The following BBS9 variants were observed in gnomAD, a reference collection of about 807,000 sequenced individuals.
BBS9 encodes protein PTHB1.
BBS9 carries 89 observed loss-of-function variants against 117.7 expected under a neutral mutation model. The observed-to-expected ratio is 0.76, with a 90% CI of 0.64 to 0.90. BBS9 has a LOEUF of 0.90. BBS9 is among the 40% of genes least tolerant of loss of function. The probability of loss-of-function intolerance (pLI) is 0.00; values close to 1 mark genes in which losing one functional copy is unlikely to be tolerated. For synonymous variants in BBS9, 379 were observed against 370.9 expected (o/e 1.02, Z -0.25); for missense variants, 982 against 1,042.2 (o/e 0.94, Z 0.80).
chr7:33,441,046 G>A (rs565820337), intron 19 of BBS9, among the ~76,000 whole-genome samples: 3 of 152,186 alleles, frequency 2.0e-5, no homozygotes, highest in South Asian at 4.1e-4. Flanking sequence ...TGCATTTTCC[G>A]AACACTTCAA....
At chr7:33,439,589 C>T (rs371489331) in intron 19 of BBS9, among the ~76,000 whole-genome samples, 11 of 141,094 alleles carry the variant, frequency 7.8e-5, no homozygotes, top group Admixed American at 4.4e-4. Context: ...AGTGCAGTGG[C>T]GCAGTCTTGG....
rs1846072708 is a variant in BBS9 at position 33,505,792 on chromosome 7, A to G, written c.2298+147A>G. On this transcript the variant is annotated intron_variant, in intron 20 of 22. Coordinates refer to ENST00000242067, the MANE Select transcript of BBS9 (RefSeq NM_198428.3). ...ATGCTGCTTTCCTTGTCTTTAAACC[A>G]TAATAAAAATGTCAAACAAAGGCCT... is the stretch of plus-strand genomic sequence containing the variant. The G allele has an allele frequency of 3.5e-6, 3 of 866,100 alleles. No individual in the cohort carries two copies. In the South Asian group the frequency reaches 4.9e-5, roughly 14 times the overall value. The allele number at this position is 866,100 out of a possible 1,614,324, so 53.7% of individuals were successfully genotyped here. A position where few individuals can be genotyped will look rare whatever the true frequency, so the allele number is the denominator to read the frequency against.
chr7:33,584,058 C>G (rs1050219321), intron 21 of BBS9, among the ~76,000 whole-genome samples: 1 of 151,900 alleles, frequency 6.6e-6, no homozygotes, highest in African/African-American at 2.4e-5. Context: ...ACATTCCTGG[C>G]AGAGGATATA....
chr7:33,424,300 A>T (rs1833312070), intron 19 of BBS9, among the ~76,000 whole-genome samples: 1 of 152,178 alleles, frequency 6.6e-6, no homozygotes, highest in East Asian at 1.9e-4. Context: ...TTTTCCAAAG[A>T]ACAGTTTTCT....
chr7:33,299,259 G>A (rs1331283701), intron 9 of BBS9, among the ~76,000 whole-genome samples: 1 of 151,998 alleles, frequency 6.6e-6, no homozygotes, highest in Non-Finnish European at 1.5e-5. Flanking sequence ...TCTTTCATCT[G>A]TTCTTATTTT....
chr7:33,179,488 C>A (rs1797797099), intron 5 of BBS9, among the ~76,000 whole-genome samples: 1 of 152,096 alleles, frequency 6.6e-6, no homozygotes, highest in Non-Finnish European at 1.5e-5. Context: ...AGCACAAACT[C>A]TATTGTGAAC....
chr7:33,452,100 C>G (rs1837967925), intron 19 of BBS9, among the ~76,000 whole-genome samples: 1 of 152,138 alleles, frequency 6.6e-6, no homozygotes, highest in Admixed American at 6.5e-5. Flanking sequence ...TCCCCAAGTG[C>G]TGGAATTACA....
chr7:33,467,586 T>A (rs1419918), intron 19 of BBS9, among the ~76,000 whole-genome samples: 110,432 of 147,560 alleles, frequency 0.75, 42,003 homozygotes, highest in African/African-American at 0.88. Flanking sequence ...CCTCCACTAT[T>A]GTAGTTGTTT....
chr7:33,508,608 A>G (rs1031228054), intron 20 of BBS9, among the ~76,000 whole-genome samples: 2 of 152,210 alleles, frequency 1.3e-5, no homozygotes, highest in African/African-American at 4.8e-5. Context: ...CTTTTTATAC[A>G]CGTGCTTCAT....
chr7:33,185,339 T>C (rs1168462001), intron 5 of BBS9, among the ~76,000 whole-genome samples: 1 of 152,142 alleles, frequency 6.6e-6, no homozygotes, highest in Non-Finnish European at 1.5e-5. Flanking sequence ...TTGGTTCCGA[T>C]GCTTCTGACA....
Position 33,264,345 on chromosome 7 carries a change from CA to C in BBS9, c.678del (p.Lys226AsnfsTer8). 6.3e-7 allele frequency: 1 copy of C among 1,580,760 alleles called. No homozygotes were observed. Among genetic ancestry groups the C allele is most frequent in the Non-Finnish European group, 8.6e-7 (1 of 1,162,770 alleles). ...DADKRQETEQ[Q>X]KLGSGKRLVV... ...AGATAAAAGGCAGGAGACTGAACAG[CA>C]AAAACTTGGTTCTGGAAAAAGACTA... is the stretch of plus-strand genomic sequence containing the variant. On this transcript the variant is annotated frameshift_variant, in exon 7 of 23. Coordinates refer to ENST00000242067, the MANE Select transcript of BBS9 (RefSeq NM_198428.3). LOFTEE classifies it high-confidence loss of function.
chr7:33,612,772 G>C (rs1480897191), intron 21 of BBS9, among the ~76,000 whole-genome samples: 1 of 151,980 alleles, frequency 6.6e-6, no homozygotes, highest in African/African-American at 2.4e-5. Context: ...TGTCTGGTCA[G>C]GGTTCATTCT....
At chr7:33,534,444 A>G in intron 21 of BBS9, 1 of 512,042 alleles carries the variant, frequency 2.0e-6, no homozygotes, top group Admixed American at 3.2e-5. Context: ...CTTCTAACTA[A>G]TAAAAAGTGG....
chr7:33,276,713 A>G (rs1800846768), intron 9 of BBS9: 1 of 152,242 alleles, frequency 6.6e-6, no homozygotes, highest in African/African-American at 2.4e-5. Context: ...CTAATGCCAC[A>G]TCTTTTCTCA....
chr7:33,220,033 C>T (rs1186678274), intron 5 of BBS9, among the ~76,000 whole-genome samples: 5 of 152,092 alleles, frequency 3.3e-5, no homozygotes, highest in Admixed American at 3.3e-4. Flanking sequence ...CCGGACACGC[C>T]GCCTTTAAGA....
At chr7:33,188,416 A>T (rs184289448) in intron 5 of BBS9, among the ~76,000 whole-genome samples, 62 of 152,284 alleles carry the variant, frequency 4.1e-4, no homozygotes, top group African/African-American at 1.4e-3. Context: ...TTTTTAACTT[A>T]TAGCATAAAG....
chr7:33,565,958 A>G (rs1856871900), intron 21 of BBS9, among the ~76,000 whole-genome samples: 1 of 149,408 alleles, frequency 6.7e-6, no homozygotes, highest in African/African-American at 2.5e-5. Context: ...ATGGTGTCCC[A>G]GTATCTTATT....
chr7:33,613,034 A>G (rs890693108), intron 21 of BBS9, among the ~76,000 whole-genome samples: 2 of 152,118 alleles, frequency 1.3e-5, no homozygotes, highest in Admixed American at 1.3e-4. Context: ...CCAAAGAACA[A>G]TAAAACATGG....
intron 20 of BBS9, among the ~76,000 whole-genome samples, chr7:33,512,461 C>T (rs1196661007): frequency 6.6e-6 from 1 of 152,082 alleles, no homozygotes; most frequent in Non-Finnish European, 1.5e-5. Context: ...TCTCTGTATG[C>T]CTTTTCAAAT....
Sources: allele counts gnomAD v4.1 joint callset (sites outside exome capture counted in the v4.1 genomes callset), GRCh38; gene constraint gnomAD v4.1.1; transcripts MANE v1.5; gene names NCBI Gene and HGNC (gene_info 2026-07-23, HGNC 2026-07-21).